Variants in KIRREL3 observed in about 807,000 individuals in gnomAD.
KIRREL3 encodes the protein kirre like nephrin family adhesion molecule 3.
Under a neutral mutation model 89.7 loss-of-function variants are expected in KIRREL3, and 36 were observed. That is an observed-to-expected ratio of 0.40 (90% CI 0.31 to 0.53). KIRREL3 has a LOEUF of 0.53. Ranked by LOEUF, KIRREL3 falls within the 20% of genes least tolerant of loss-of-function variation. The pLI is 0.49. For missense variants in KIRREL3, 864 were observed against 1,056.6 expected, an observed-to-expected ratio of 0.82 and a Z score of 2.53; for synonymous variants, 445 against 441.4, an observed-to-expected ratio of 1.01 and a Z score of -0.10.
chr11:126,701,217 G>A (rs965172721), intron 1 of KIRREL3, among the ~76,000 whole-genome samples: 13 of 152,304 alleles, frequency 8.5e-5, no homozygotes, highest in East Asian at 1.9e-4. Context: ...GTGTGTTTGC[G>A]TGTGTGCATG....
In KIRREL3 at chr11:126,502,130, G is replaced by A. The variant is rs537433640; in HGVS notation, c.433+19185C>T. Among the ~76,000 whole-genome samples the A allele has an allele frequency of 2.0e-5, 3 of 152,284 alleles. No homozygotes were observed. The East Asian group carries it at 5.8e-4, about 29-fold the overall frequency. On this transcript the variant is annotated intron_variant, in intron 4 of 16. Transcript: ENST00000525144. Reference sequence around the variant, plus strand: ...CCGGAAGCTAACCGGATCCATCCATGTGCCTGCCCTGGCCTCCCCTTAATT... The same window carrying A: ...CCGGAAGCTAACCGGATCCATCCATATGCCTGCCCTGGCCTCCCCTTAATT...
rs1205066024 is a variant in KIRREL3 at position 126,669,991 on chromosome 11, TC to T, written c.56-107080del. Among the ~76,000 whole-genome samples the T allele has an allele frequency of 6.6e-6, 1 of 152,146 alleles. No homozygotes were observed. The highest frequency in any genetic ancestry group is 1.5e-5 in the Non-Finnish European group (1 of 68,028). On this transcript the variant is annotated intron_variant, in intron 1 of 16. Transcript: ENST00000525144. The surrounding 1 kb of genome is among the most constrained non-coding windows in gnomAD (Gnocchi z 5.0). ...CGTTGCTCAAGCTCATGCCTCAGTC[TC>T]CCCTGACTCTTCCCATTCCTTCTCC...
chr11:126,967,878 C>A (rs1162709871), intron 1 of KIRREL3, among the ~76,000 whole-genome samples: 1 of 152,104 alleles, frequency 6.6e-6, no homozygotes, highest in South Asian at 2.1e-4. Context: ...AAGACAACCC[C>A]TCACAACAAA....
chr11:126,939,925 A>T (rs1948368683), intron 1 of KIRREL3, among the ~76,000 whole-genome samples: 1 of 152,168 alleles, frequency 6.6e-6, no homozygotes, highest in Non-Finnish European at 1.5e-5. Context: ...GCCTTGGGAC[A>T]ATCATTAGGA....
chr11:126,766,241 C>T lies in KIRREL3; in HGVS notation c.56-203329G>A, dbSNP rs1949819206. Among the ~76,000 whole-genome samples, 1 of 152,036 alleles carries T rather than the reference C, an allele frequency of 6.6e-6. No homozygotes were observed. Among genetic ancestry groups the T allele is most frequent in the South Asian group, 2.1e-4 (1 of 4,824 alleles). On this transcript the variant is annotated intron_variant, in intron 1 of 16. Coordinates refer to ENST00000525144, the MANE Select transcript of KIRREL3 (RefSeq NM_032531.4). This position sits in a 1 kb window ranked among gnomAD's most constrained non-coding sequence, Gnocchi z 4.2. Reference sequence around the variant, plus strand: ...TTCCTGGCCCTCAGTTGGCTGAGAACAGTAGGAGCCCATAACAGACAGCAT... The same window carrying T: ...TTCCTGGCCCTCAGTTGGCTGAGAATAGTAGGAGCCCATAACAGACAGCAT...
chr11:126,885,813 G>T (rs1409733454), intron 1 of KIRREL3, among the ~76,000 whole-genome samples: 1 of 152,138 alleles, frequency 6.6e-6, no homozygotes, highest in African/African-American at 2.4e-5. Context: ...GGTACTTTGG[G>T]CTTTGAAAGA....
Position 126,508,371 on chromosome 11 carries a change from C to T in KIRREL3, c.433+12944G>A, listed in dbSNP as rs7948385. Among the ~76,000 whole-genome samples the T allele has an allele frequency of 0.33, 49,798 of 151,878 alleles. 8,550 individuals are homozygous for T. Among genetic ancestry groups the T allele is most frequent in the Admixed American group, 0.39 (5,922 of 15,252 alleles). On this transcript the variant is annotated intron_variant, in intron 4 of 16. Coordinates refer to ENST00000525144, the MANE Select transcript of KIRREL3 (RefSeq NM_032531.4). This position sits in a 1 kb window ranked among gnomAD's most constrained non-coding sequence, Gnocchi z 4.9. The stretch of plus-strand genomic sequence containing the variant: ...AGGCTCAGAGTGATGGAGAAAGACG[C>T]GGCAGGTGGCCGCCCAGAGGATGAT...
intron 7 of KIRREL3, among the ~76,000 whole-genome samples, chr11:126,451,271 CGT>C (rs1484390780): frequency 1.1e-5 from 1 of 92,302 alleles, no homozygotes; most frequent in Non-Finnish European, 2.2e-5. Flanking sequence ...CTTGTGTGTC[CGT>C]GTGCATGTGT....
At chr11:126,962,447 G>T (rs1169425123) in intron 1 of KIRREL3, among the ~76,000 whole-genome samples, 2 of 152,190 alleles carry the variant, frequency 1.3e-5, no homozygotes, top group African/African-American at 4.8e-5. Flanking sequence ...AGAATTTGAA[G>T]TGAAGCCTGA....
chr11:126,456,366 T>C lies in KIRREL3; in HGVS notation c.831A>G (p.Pro277=), dbSNP rs1289756771. The C allele has an allele frequency of 1.9e-6, 3 of 1,587,648 alleles. No homozygotes were observed. The highest frequency in any genetic ancestry group is 1.8e-5 in the Admixed American group (1 of 56,334). The change falls in exon 7 of 17, where the codon CCA becomes CCG. Residue 277 remains proline (P), a synonymous_variant. Coordinates refer to ENST00000525144, the MANE Select transcript of KIRREL3 (RefSeq NM_032531.4). Reference sequence around the variant, plus strand: ...ACTCTCACCTGTACTGGGTGACAGCTGGGTTGGCCTTTGCAGAGCAGTGGA... The same window carrying C: ...ACTCTCACCTGTACTGGGTGACAGCCGGGTTGGCCTTTGCAGAGCAGTGGA... ...VTFHCSAKAN[P]AVTQYRWAKR...
intron 1 of KIRREL3, among the ~76,000 whole-genome samples, chr11:126,675,861 G>A (rs73631563): frequency 0.04 from 6,069 of 152,234 alleles, 251 homozygotes; most frequent in African/African-American, 0.098. Flanking sequence ...AAGCTTGGAG[G>A]CCACTTAGGA....
Position 126,526,501 on chromosome 11 carries a change from G to T in KIRREL3, c.283+37C>A. The T allele has an allele frequency of 6.3e-7, 1 of 1,587,046 alleles. No individual in the cohort carries two copies. Among genetic ancestry groups the T allele is most frequent in the East Asian group, 2.3e-5 (1 of 44,138 alleles). Reference sequence around the variant, plus strand: ...TGGATGGGTGAGTAAGGAAGTGATGGCCCCAGGCCCACCCCAGGAGGTCTG... The same window carrying T: ...TGGATGGGTGAGTAAGGAAGTGATGTCCCCAGGCCCACCCCAGGAGGTCTG... On this transcript the variant is annotated intron_variant, in intron 3 of 16. Coordinates refer to ENST00000525144, the MANE Select transcript of KIRREL3 (RefSeq NM_032531.4). The surrounding 1 kb of genome is among the most constrained non-coding windows in gnomAD (Gnocchi z 5.7).
chr11:126,503,657 G>A (rs897155095), intron 4 of KIRREL3, among the ~76,000 whole-genome samples: 1 of 152,144 alleles, frequency 6.6e-6, no homozygotes, highest in Non-Finnish European at 1.5e-5. Flanking sequence ...AACCTCCATT[G>A]TGATGATGTG....
chr11:126,858,650 G>A (rs1371896363), intron 1 of KIRREL3, among the ~76,000 whole-genome samples: 1 of 152,190 alleles, frequency 6.6e-6, no homozygotes, highest in Non-Finnish European at 1.5e-5. Flanking sequence ...TCTGTGATGT[G>A]TGTGTGTGTG....
chr11:126,932,733 A>G (rs1252190211), intron 1 of KIRREL3, among the ~76,000 whole-genome samples: 6 of 152,230 alleles, frequency 3.9e-5, no homozygotes, highest in Admixed American at 1.3e-4. Context: ...TTGTAAGTGA[A>G]CAGCTTCTAT....
At chr11:126,925,360 G>T (rs1172330191) in intron 1 of KIRREL3, among the ~76,000 whole-genome samples, 1 of 152,222 alleles carries the variant, frequency 6.6e-6, no homozygotes, top group Non-Finnish European at 1.5e-5. Context: ...TGGTGGCGGG[G>T]GGAGCATGGC....
chr11:126,440,935 G>A, intron 10 of KIRREL3: 1 of 260,092 alleles, frequency 3.8e-6, no homozygotes, highest in Non-Finnish European at 7.5e-6. Context: ...AGGGGGTGGG[G>A]AGGTGTCTAG....
In KIRREL3 at chr11:126,994,916, T is replaced by G. The variant is rs1950134938; in HGVS notation, c.55+5539A>C. ...ATTCTGATGATCTATAAGGTATCTA[T>G]GTTCTTACTTGACCTGCACTTCTAA... On this transcript the variant is annotated intron_variant, in intron 1 of 16. Transcript: ENST00000525144. The surrounding 1 kb of genome is among the most constrained non-coding windows in gnomAD (Gnocchi z 5.2). Among the ~76,000 whole-genome samples, 1 of 152,142 alleles carries G rather than the reference T, an allele frequency of 6.6e-6. No homozygotes were observed. Among genetic ancestry groups the G allele is most frequent in the Non-Finnish European group, 1.5e-5 (1 of 68,040 alleles).
intron 4 of KIRREL3, among the ~76,000 whole-genome samples, chr11:126,517,136 A>AAGAGAGAGGAGAGAGAG (rs1958438016): frequency 7.1e-6 from 1 of 140,812 alleles, no homozygotes; most frequent in Non-Finnish European, 1.5e-5. Context: ...GAGAGAGAGA[A>AAGAGAGAGGAGAGAGAG]AGAGAGAGAG....
Sources: allele counts gnomAD v4.1 joint callset (sites outside exome capture counted in the v4.1 genomes callset), GRCh38; gene constraint gnomAD v4.1.1; non-coding constraint Gnocchi (gnomAD v3.1); transcripts MANE v1.5; gene names NCBI Gene and HGNC (gene_info 2026-07-23, HGNC 2026-07-21).